The following CCDC51 variants were observed in gnomAD, a reference collection of about 807,000 sequenced individuals.
The protein encoded by CCDC51 is coiled-coil domain containing 51.
CCDC51 carries 25 observed loss-of-function variants against 24.8 expected under a neutral mutation model. The ratio of observed to expected loss-of-function variants is 1.01; its 90% CI spans 0.73 to 1.41. The LOEUF (loss-of-function observed/expected upper bound fraction) is 1.41, where lower values mean the gene tolerates loss of function less well. Among genes scored for constraint, CCDC51 ranks in the 40% most tolerant of loss-of-function variants. The probability of loss-of-function intolerance (pLI) is 0.00; values close to 1 mark genes in which losing one functional copy is unlikely to be tolerated. For synonymous variants in CCDC51, 190 were observed against 204.3 expected (o/e 0.93, Z 0.60); for missense variants, 466 against 519.1 (o/e 0.90, Z 0.99).
Position 48,433,745 on chromosome 3 carries a change from A to G in CCDC51, c.439T>C (p.Tyr147His). The change falls in exon 3 of 4, where the codon TAC becomes CAC. Residue 147 changes from tyrosine to histidine, a missense_variant. Coordinates refer to ENST00000395694, the MANE Select transcript of CCDC51 (RefSeq NM_001256964.2). This position sits in a 1 kb window ranked among gnomAD's most constrained non-coding sequence, Gnocchi z 4.4. ...TGCTCGAGAGTAGCCAGTTCCAAGTACTGACTGTCCTCCCTGGAGACACGG... is the reference window on the plus strand; with the variant it reads ...TGCTCGAGAGTAGCCAGTTCCAAGTGCTGACTGTCCTCCCTGGAGACACGG... ...LDRVSREDSQ[Y>H]LELATLEHRM... is the part of the protein sequence containing the mutation. The G allele has an allele frequency of 6.2e-7, 1 of 1,613,950 alleles. No homozygotes were observed.
At chr3:48,443,264 A>T (rs922778869), upstream of CCDC51, among the ~76,000 whole-genome samples, 1 of 136,506 alleles carries the variant, frequency 7.3e-6, no homozygotes, top group Non-Finnish European at 1.6e-5. Flanking sequence ...AAAAAAAAAA[A>T]ATGCTGGGGT....
chr3:48,439,527 G>A (rs147934857), intron 1 of CCDC51, among the ~76,000 whole-genome samples: 3,072 of 152,262 alleles, frequency 0.02, 45 homozygotes, highest in Non-Finnish European at 0.026. Flanking sequence ...AGCTACTGGG[G>A]AGGCTGAGGC....
At chr3:48,443,007 A>C (rs2039602605), upstream of CCDC51, among the ~76,000 whole-genome samples, 1 of 151,490 alleles carries the variant, frequency 6.6e-6, no homozygotes. Flanking sequence ...TGGGAGGCTG[A>C]GGTGGGTGGA....
upstream of CCDC51, among the ~76,000 whole-genome samples, chr3:48,442,107 C>A (rs2039584229): frequency 6.6e-6 from 1 of 151,964 alleles, no homozygotes; most frequent in South Asian, 2.1e-4. Flanking sequence ...CGGCCCGTTT[C>A]CTGTAATCCC....
rs148230990 is a variant in CCDC51 at position 48,432,949 on chromosome 3, G to A, written c.695C>T (p.Ala232Val). The A allele has an allele frequency of 1.3e-3, 2,052 of 1,614,150 alleles. 14 individuals are homozygous for A. In the African/African-American group the frequency reaches 0.023, roughly 18 times the overall value. ...VNRVRLQELK[A>V]LLLEAQKGPV... ...CCCCTTCTGCGCCTCCAGGAGTAAA[G>A]CCTTCAGCTCCTGTAGTCGCACACG... is the stretch of plus-strand genomic sequence containing the variant. Residue 232 changes from alanine (A) to valine (V), a missense_variant, in exon 4 of 4, where the codon GCT (alanine) becomes GTT (valine). Transcript: ENST00000395694.
chr3:48,432,425 G>C lies in CCDC51; in HGVS notation c.1219C>G (p.Leu407Val), dbSNP rs1294151775. Residue 407 changes from leucine (L) to valine (V), a missense_variant, in exon 4 of 4, where the codon CTA becomes GTA. Physicochemically the swap from Leu to Val is conservative, Grantham distance 32 (BLOSUM62 1). Transcript: ENST00000395694. ...FVATLPVLYM[L>V]FKAS ...GCCAGGGGTTAGCTGGCTTTGAATAGCATGTAGAGCACAGGCAGTGTGGCC... is the reference window on the plus strand; with the variant it reads ...GCCAGGGGTTAGCTGGCTTTGAATACCATGTAGAGCACAGGCAGTGTGGCC... 4 of 1,614,228 alleles carry C rather than the reference G, an allele frequency of 2.5e-6. No homozygotes were observed. The African/African-American group carries it at 5.3e-5, about 22-fold the overall frequency.
upstream of CCDC51, chr3:48,444,061 C>CAGA (rs2039624787): frequency 2.3e-6 from 1 of 432,260 alleles, no homozygotes; most frequent in Non-Finnish European, 4.0e-6. Context: ...GGCTCATCAT[C>CAGA]TCTTTAGTTG....
In CCDC51 at chr3:48,437,421, G is replaced by T. The variant is rs1266496225; in HGVS notation, c.-8-2285C>A. ...TCAGCCCCCAGGATGTCACCACTTA[G>T]ATGTTTCACAGGCCCCCCAACCAGC... On this transcript the variant is annotated intron_variant, in intron 1 of 3. Transcript: ENST00000395694. The surrounding 1 kb of genome is among the most constrained non-coding windows in gnomAD (Gnocchi z 4.2). Among the ~76,000 whole-genome samples, 5 of 152,142 alleles carry T rather than the reference G, an allele frequency of 3.3e-5. No individual in the cohort carries two copies. The South Asian group carries it at 8.3e-4, about 25-fold the overall frequency.
upstream of CCDC51, among the ~76,000 whole-genome samples, chr3:48,443,233 T>G (rs1204478351): frequency 3.7e-5 from 3 of 81,928 alleles, no homozygotes; most frequent in Admixed American, 3.9e-4. Context: ...AAAGCAAGAC[T>G]CCATCTCCAA....
At chr3:48,434,219 G>A (rs1403555466) in intron 2 of CCDC51, among the ~76,000 whole-genome samples, 2 of 152,194 alleles carry the variant, frequency 1.3e-5, no homozygotes, top group Non-Finnish European at 2.9e-5. Context: ...TGCCATGAAA[G>A]GCACTGCTGT....
upstream of CCDC51, among the ~76,000 whole-genome samples, chr3:48,441,244 C>T (rs189197761): frequency 1.2e-4 from 18 of 152,132 alleles, no homozygotes; most frequent in East Asian, 3.3e-3. Flanking sequence ...TGGGGTTTCA[C>T]CATCTTAGCC....
chr3:48,446,520 A>C, the CCDC51 span: 2 of 222,550 alleles, frequency 9.0e-6, no homozygotes, highest in Non-Finnish European at 8.8e-6. Context: ...CCAGGGAGGG[A>C]GCGCAAAGCC....
Position 48,432,453 on chromosome 3 carries a change from A to G in CCDC51, c.1191T>C (p.Phe397=), listed in dbSNP as rs1034151041. Residue 397 remains phenylalanine, a synonymous_variant, in exon 4 of 4, where the codon TTT becomes TTC. Transcript: ENST00000395694. The part of the protein sequence containing the change: ...IYSTLVTCVT[F]VATLPVLYML... Reference sequence around the variant, plus strand: ...TGTAGAGCACAGGCAGTGTGGCCACAAATGTCACACAGGTGACCAGGGTGC... The same window carrying G: ...TGTAGAGCACAGGCAGTGTGGCCACGAATGTCACACAGGTGACCAGGGTGC... 4 of 1,614,254 alleles carry G rather than the reference A, an allele frequency of 2.5e-6. No homozygotes were observed. Among genetic ancestry groups the G allele is most frequent in the Non-Finnish European group, 3.4e-6 (4 of 1,180,040 alleles).
Position 48,432,344 on chromosome 3 carries a change from G to A in CCDC51, c.*64C>T, listed in dbSNP as rs1041380054. On this transcript the variant is annotated 3_prime_UTR_variant, in exon 4 of 4. Transcript: ENST00000395694. ...CCCCAAAGGCTCGCTTCATTGCTACGATTCTCTACTTAAATCCACATTCAC... is the reference window on the plus strand; with the variant it reads ...CCCCAAAGGCTCGCTTCATTGCTACAATTCTCTACTTAAATCCACATTCAC... 6 of 1,580,448 alleles carry A rather than the reference G, an allele frequency of 3.8e-6. No homozygotes were observed. The highest frequency in any genetic ancestry group is 1.7e-5 in the Admixed American group (1 of 58,816).
chr3:48,435,167 A>C lies in CCDC51; in HGVS notation c.-8-31T>G. On this transcript the variant is annotated intron_variant, in intron 1 of 3. Transcript: ENST00000395694. The surrounding 1 kb of genome is among the most constrained non-coding windows in gnomAD (Gnocchi z 4.2). ...AGGGGGACGCCAGACAGGTCAGCTC[A>C]CAGCTGAGAAAGGCTGGACATAAGT... is the stretch of plus-strand genomic sequence containing the variant. 5.9e-5 allele frequency: 89 copies of C among 1,513,316 alleles called. No individual in the cohort carries two copies. Among genetic ancestry groups the C allele is most frequent in the Non-Finnish European group, 7.1e-5 (80 of 1,127,378 alleles). 93.7% of individuals were successfully genotyped at this position (1,513,316 alleles called of 1,614,324 possible). A position where few individuals can be genotyped will look rare whatever the true frequency, so the allele number is the denominator to read the frequency against.
rs1165066408 is a variant in CCDC51 at position 48,435,580 on chromosome 3, CAG to C, written c.-8-446_-8-445del. Reference sequence around the variant, plus strand: ...ATACTCCCTGCAATGTTGTGGAACTCAGGGGAATTCAGGAAGACTAAGATCCA... The same window carrying C: ...ATACTCCCTGCAATGTTGTGGAACTCGGGAATTCAGGAAGACTAAGATCCA... On this transcript the variant is annotated intron_variant, in intron 1 of 3. Transcript: ENST00000395694. The surrounding 1 kb of genome is among the most constrained non-coding windows in gnomAD (Gnocchi z 4.2). Among the ~76,000 whole-genome samples the C allele has an allele frequency of 6.6e-6, 1 of 152,150 alleles. No individual in the cohort carries two copies. The highest frequency in any genetic ancestry group is 2.4e-5 in the African/African-American group (1 of 41,424).
At position 48,434,920 on chromosome 3, in the gene CCDC51, CTG is replaced by C; in HGVS notation, c.207_208del (p.His69GlnfsTer18). Reference sequence around the variant, plus strand: ...TGTGGAGGTCGCTCGTTGCTGAATGCTGTGCCCCAGGGCTCTTCCCAGTGCTG... The same window carrying C: ...TGTGGAGGTCGCTCGTTGCTGAATGCTGCCCCAGGGCTCTTCCCAGTGCTG... On this transcript the variant is annotated frameshift_variant, in exon 2 of 4. Coordinates refer to ENST00000395694, the MANE Select transcript of CCDC51 (RefSeq NM_001256964.2). LOFTEE classifies it high-confidence loss of function. 6.2e-7 allele frequency: 1 copy of C among 1,614,248 alleles called. No homozygotes were observed. The highest frequency in any genetic ancestry group is 8.5e-7 in the Non-Finnish European group (1 of 1,180,048).
At chr3:48,440,943 C>A, upstream of CCDC51, 1 of 454,712 alleles carries the variant, frequency 2.2e-6, no homozygotes. Context: ...ACGTCGTCCG[C>A]AATCTTTTGC....
At chr3:48,442,260 CAAA>C (rs199829895), upstream of CCDC51, among the ~76,000 whole-genome samples, 4,481 of 131,732 alleles carry the variant, frequency 0.034, 192 homozygotes, top group African/African-American at 0.11. Flanking sequence ...GACCCTATCT[CAAA>C]AAAAAAAAAA....
Sources: gnomAD v4.1 joint callset for allele counts (sites outside exome capture counted in the v4.1 genomes callset) on GRCh38, gnomAD v4.1.1 for gene constraint, Gnocchi (gnomAD v3.1) non-coding constraint, MANE v1.5 for transcripts, NCBI Gene and HGNC (gene_info 2026-07-23, HGNC 2026-07-21) for gene names.